Variants in SLC12A1 observed in about 807,000 individuals in gnomAD.
SLC12A1 encodes the protein solute carrier family 12 member 1, also known as Na-K-2Cl cotransporter.
In SLC12A1, 89 loss-of-function variants were observed where a neutral mutation model predicts 130.4. That is an observed-to-expected ratio of 0.68 (90% CI 0.58 to 0.81). The LOEUF is 0.81. Ranked by LOEUF, SLC12A1 falls within the 40% of genes least tolerant of loss-of-function variation. SLC12A1 has a pLI of 0.00. For synonymous variants in SLC12A1, 499 were observed against 460.0 expected (o/e 1.08, Z -1.09); for missense variants, 1,310 against 1,336.4 (o/e 0.98, Z 0.31).
chr15:48,241,092 C>T (rs995681053), intron 9 of SLC12A1, among the ~76,000 whole-genome samples: 2 of 152,018 alleles, frequency 1.3e-5, no homozygotes, highest in African/African-American at 4.8e-5. Context: ...TAAAGGCAAG[C>T]TTAAGCTCAG....
chr15:48,216,129 C>T (rs1052512059), intron 2 of SLC12A1, among the ~76,000 whole-genome samples: 13 of 152,100 alleles, frequency 8.5e-5, no homozygotes, highest in African/African-American at 2.9e-4. Flanking sequence ...ATTATTAATA[C>T]CTAAGGGAGA....
chr15:48,303,816 T>C lies in SLC12A1; in HGVS notation c.*931T>C, dbSNP rs540787469. The C allele has an allele frequency of 6.6e-6, 1 of 152,238 alleles. No individual in the cohort carries two copies. The highest frequency in any genetic ancestry group is 6.5e-5 in the Admixed American group (1 of 15,282). 9.4% of individuals were successfully genotyped at this position (152,238 alleles called of 1,614,324 possible). A position where few individuals can be genotyped will look rare whatever the true frequency, so the allele number is the denominator to read the frequency against. On this transcript the variant is annotated 3_prime_UTR_variant, in exon 27 of 27. Coordinates refer to ENST00000380993, the MANE Select transcript of SLC12A1 (RefSeq NM_000338.3). ...ATATATCCTGAATCATATATTTAGTTACTTTCTATAGTGATTGTATGGATT... is the reference window on the plus strand; with the variant it reads ...ATATATCCTGAATCATATATTTAGTCACTTTCTATAGTGATTGTATGGATT...
At chr15:48,250,676 T>TCACACACACACACCCACACACACA (rs2041637256) in intron 14 of SLC12A1, among the ~76,000 whole-genome samples, 1 of 145,940 alleles carries the variant, frequency 6.9e-6, no homozygotes, top group Non-Finnish European at 1.5e-5. Context: ...AATGTCTGCC[T>TCACACACACACACCCACACACACA]CACACACACA....
intron 21 of SLC12A1, 94 bp downstream of exon 21, chr15:48,285,343 G>T (rs2042046551): frequency 1.6e-6 from 2 of 1,236,040 alleles, no homozygotes; most frequent in South Asian, 2.8e-5. Context: ...AAGATGTTGG[G>T]AGCATTGAGT....
rs1405371694 is a variant in SLC12A1 at position 48,241,692 on chromosome 15, G to GT, written c.1300+99dup. 5.7e-6 allele frequency: 5 copies of GT among 876,308 alleles called. No homozygotes were observed. In the East Asian group the frequency reaches 7.3e-5, roughly 13 times the overall value. 54.3% of individuals were successfully genotyped at this position (876,308 alleles called of 1,614,324 possible). ...GCTTTCAATGCAGCATAAATACAGAGTTTTTTAAAAGGCAACAATTTTAAT... is the reference window on the plus strand; with the variant it reads ...GCTTTCAATGCAGCATAAATACAGAGTTTTTTTAAAAGGCAACAATTTTAAT... On this transcript the variant is annotated intron_variant, in intron 10 of 26. Coordinates refer to ENST00000380993, the MANE Select transcript of SLC12A1 (RefSeq NM_000338.3).
chr15:48,257,338 A>T (rs1206205013), intron 16 of SLC12A1, among the ~76,000 whole-genome samples: 2 of 152,114 alleles, frequency 1.3e-5, no homozygotes, highest in African/African-American at 2.4e-5. Flanking sequence ...TGGGGTCTAG[A>T]GGACTGTGGT....
At position 48,207,981 on chromosome 15, in the gene SLC12A1, G is replaced by A. The variant is rs369639692; in HGVS notation, c.262G>A (p.Ala88Thr). 66 of 1,613,818 alleles carry A rather than the reference G, an allele frequency of 4.1e-5. No homozygotes were observed. Among genetic ancestry groups the A allele is most frequent in the Middle Eastern group, 1.6e-4 (1 of 6,084 alleles). ...ETAKTDASFH[A>T]YDSHTNTYYL... is the part of the protein sequence containing the mutation. ...TGCTAAAACAGATGCCAGTTTTCAC[G>A]CTTATGATTCTCACACAAACACATA... is the stretch of plus-strand genomic sequence containing the variant. Residue 88 changes from alanine (A) to threonine (T), a missense_variant, in exon 2 of 27, where the codon GCT (alanine) becomes ACT (threonine). Coordinates refer to ENST00000380993, the MANE Select transcript of SLC12A1 (RefSeq NM_000338.3).
Position 48,302,683 on chromosome 15 carries a change from T to TA in SLC12A1, c.3165-66dup, listed in dbSNP as rs1232812323. The TA allele has an allele frequency of 3.8e-6, 3 of 779,870 alleles. No individual in the cohort carries two copies. The African/African-American group carries it at 6.3e-5, about 16-fold the overall frequency. The allele number at this position is 779,870 out of a possible 1,614,324, so 48.3% of individuals were successfully genotyped here. On this transcript the variant is annotated intron_variant, in intron 26 of 26. Coordinates refer to ENST00000380993, the MANE Select transcript of SLC12A1 (RefSeq NM_000338.3). ...TGCCAGTTATTAAATAGCTCAGAAA[T>TA]ACTAGTGCCGTTACTACCTATAGTA...
At chr15:48,267,190 G>A (rs143320831) in intron 17 of SLC12A1, among the ~76,000 whole-genome samples, 11 of 152,266 alleles carry the variant, frequency 7.2e-5, no homozygotes, top group South Asian at 6.2e-4. Flanking sequence ...GATTTCTTTC[G>A]TGTTCCTGAA....
Position 48,207,940 on chromosome 15 carries a change from T to A in SLC12A1, c.221T>A (p.Leu74His). ...PGNQECYDNF[L>H]QSGETAKTDA... The stretch of plus-strand genomic sequence containing the variant: ...AATCAGGAGTGCTATGACAATTTCC[T>A]CCAAAGTGGAGAAACTGCTAAAACA... Residue 74 changes from leucine (L) to histidine (H), a missense_variant, in exon 2 of 27, where the codon CTC becomes CAC. Transcript: ENST00000380993. The A allele has an allele frequency of 1.9e-6, 3 of 1,614,004 alleles. No homozygotes were observed. Among genetic ancestry groups the A allele is most frequent in the Non-Finnish European group, 2.5e-6 (3 of 1,179,878 alleles).
At chr15:48,290,912 G>C (rs2042112831) in intron 23 of SLC12A1, among the ~76,000 whole-genome samples, 2 of 152,206 alleles carry the variant, frequency 1.3e-5, no homozygotes, top group South Asian at 4.1e-4. Context: ...TTGTGGCTTA[G>C]ATGGTAGTAT....
In SLC12A1 at chr15:48,267,656, AG is replaced by A. The variant is rs1405239465; in HGVS notation, c.2251del (p.Val751TrpfsTer19). On this transcript the variant is annotated frameshift_variant, in exon 18 of 27. Transcript: ENST00000380993. LOFTEE classifies it high-confidence loss of function. Reference protein sequence around the residue: ...KNKIKAFYAAVAADCFRDGVR... With the variant: ...KNKIKAFYAAXAADCFRDGVR... ...ACAAAATCAAGGCTTTTTATGCTGC[AG>A]TGGCGGCAGACTGTTTCAGGGATGG... 2 of 1,613,608 alleles carry A rather than the reference AG, an allele frequency of 1.2e-6. No homozygotes were observed. Among genetic ancestry groups the A allele is most frequent in the Admixed American group, 3.3e-5 (2 of 60,006 alleles).
chr15:48,275,276 CT>C (rs1446345255), intron 20 of SLC12A1, among the ~76,000 whole-genome samples: 2 of 152,152 alleles, frequency 1.3e-5, no homozygotes, highest in Non-Finnish European at 2.9e-5. Context: ...TGATTTCCCT[CT>C]TCCGCTGAGC....
In SLC12A1 at chr15:48,291,832, C is replaced by T. The variant is rs146613807; in HGVS notation, c.2928C>T (p.Ile976=). 4.9e-5 allele frequency: 77 copies of T among 1,571,820 alleles called. No homozygotes were observed. Among genetic ancestry groups the T allele is most frequent in the Non-Finnish European group, 5.2e-5 (60 of 1,156,842 alleles). ...FRIKFADIHI[I]GDINIRPNKE... ...TAAAATTTGCAGACATCCATATCAT[C>T]GGTGACATCAACATTAGGCCAAACA... Residue 976 remains isoleucine, a synonymous_variant, in exon 24 of 27, where the codon ATC becomes ATT. Transcript: ENST00000380993.
chr15:48,249,550 A>T, intron 13 of SLC12A1, 25 bp from the exon 14 acceptor site: 2 of 1,563,670 alleles, frequency 1.3e-6, no homozygotes, highest in Non-Finnish European at 1.8e-6. Context: ...TCATACGTAC[A>T]TGTTCAATTC....
At chr15:48,293,659 C>T (rs993574725) in intron 24 of SLC12A1, among the ~76,000 whole-genome samples, 1 of 152,158 alleles carries the variant, frequency 6.6e-6, no homozygotes, top group African/African-American at 2.4e-5. Context: ...ATTTAAGATG[C>T]ATTCCTACTG....
chr15:48,273,140 C>G (rs1303887244), intron 19 of SLC12A1, among the ~76,000 whole-genome samples: 4 of 149,286 alleles, frequency 2.7e-5, no homozygotes, highest in African/African-American at 9.9e-5. Context: ...GATTATCTTA[C>G]AGTTCTGTCG....
chr15:48,234,896 C>T lies in SLC12A1; in HGVS notation c.1107C>T (p.Asn369=), dbSNP rs1200867747. The T allele has an allele frequency of 3.7e-6, 6 of 1,613,756 alleles. No homozygotes were observed. The highest frequency in any genetic ancestry group is 5.1e-6 in the Non-Finnish European group (6 of 1,179,782). ...TTGCAGCATCAATATTTGCAGAAAA[C>T]TTTGGGCCACGCTTCACAAAGGGTG... is the stretch of plus-strand genomic sequence containing the variant. The part of the protein sequence containing the change: ...FNYQASIFAE[N]FGPRFTKGEG... Residue 369 remains asparagine (N), a synonymous_variant, in exon 9 of 27, where the codon AAC becomes AAT. Transcript: ENST00000380993.
chr15:48,227,058 C>T (rs2041298460), intron 5 of SLC12A1: 4 of 1,533,088 alleles, frequency 2.6e-6, no homozygotes, highest in South Asian at 1.2e-5. Context: ...AACCAAACAC[C>T]TTTCTTGGGG....
Sources: allele counts gnomAD v4.1 joint callset (sites outside exome capture counted in the v4.1 genomes callset), GRCh38; gene constraint gnomAD v4.1.1; transcripts MANE v1.5; gene names NCBI Gene and HGNC (gene_info 2026-07-23, HGNC 2026-07-21).